DEFB118: variants seen among roughly 807,000 people sequenced by gnomAD.
DEFB118 encodes the protein defensin, beta 18.
DEFB118 carries 3 observed loss-of-function variants against 2.8 expected under a neutral mutation model. The observed-to-expected ratio is 1.09, with a 90% CI of 0.50 to 2.82. The LOEUF is 2.82. DEFB118 is among the 30% of genes most tolerant of loss of function. The probability of loss-of-function intolerance (pLI) is 0.04; values close to 1 mark genes in which losing one functional copy is unlikely to be tolerated. For missense variants in DEFB118, 159 were observed against 144.6 expected, an observed-to-expected ratio of 1.10 and a Z score of -0.51; for synonymous variants, 63 against 53.5, an observed-to-expected ratio of 1.18 and a Z score of -0.78.
In DEFB118 at chr20:31,373,141, T is replaced by C. The variant is rs1466289342; in HGVS notation, c.343T>C (p.Ser115Pro). The C allele has an allele frequency of 6.2e-7, 1 of 1,613,798 alleles. No homozygotes were observed. The highest frequency in any genetic ancestry group is 1.1e-5 in the South Asian group (1 of 91,070). Residue 115 changes from serine (S) to proline (P), a missense_variant, in exon 2 of 2, where the codon TCT (serine) becomes CCT (proline). Transcript: ENST00000253381. Reference sequence around the variant, plus strand: ...TGAGGCGGGAAGGGGAACTGAGACCTCTCTTCCAAATGTTCACCATAGCTC... The same window carrying C: ...TGAGGCGGGAAGGGGAACTGAGACCCCTCTTCCAAATGTTCACCATAGCTC... Reference protein sequence around the residue: ...ESEAGRGTETSLPNVHHSS With the variant: ...ESEAGRGTETPLPNVHHSS
intron 1 of DEFB118, among the ~76,000 whole-genome samples, chr20:31,369,624 G>A (rs545023994): frequency 1.2e-4 from 19 of 152,048 alleles, no homozygotes; most frequent in African/African-American, 4.1e-4. Flanking sequence ...TCTTGACCTC[G>A]GGTGATCCAT....
chr20:31,371,475 CTTTTTTTTCTTTTTT>C (rs531717116), intron 1 of DEFB118, among the ~76,000 whole-genome samples: 2,111 of 150,948 alleles, frequency 0.014, 20 homozygotes, highest in Non-Finnish European at 0.019. Context: ...TTTTCTTTTT[CTTTTTTTTCTTTTTT>C]GAGACAGTCT....
chr20:31,368,709 G>T lies in DEFB118; in HGVS notation c.58+1G>T. 1 of 1,613,254 alleles carries T rather than the reference G, an allele frequency of 6.2e-7. No homozygotes were observed. The highest frequency in any genetic ancestry group is 8.5e-7 in the Non-Finnish European group (1 of 1,179,416). On this transcript the variant is annotated splice_donor_variant, in intron 1 of 1. Coordinates refer to ENST00000253381, the MANE Select transcript of DEFB118 (RefSeq NM_054112.3). LOFTEE classifies it high-confidence loss of function. ...GTGCTCCTACCCCAAGTGATCCCAG[G>T]TAATCAGAGGTCAGGGAAGATACAA... is the stretch of plus-strand genomic sequence containing the variant.
At chr20:31,368,852 G>T in intron 1 of DEFB118, 144 bp downstream of exon 1, 2 of 729,688 alleles carry the variant, frequency 2.7e-6, no homozygotes, top group Non-Finnish European at 4.7e-6. Context: ...GGTAAAACCT[G>T]GGAGTAGAGC....
chr20:31,368,823 G>C, intron 1 of DEFB118, 115 bp downstream of exon 1: 1 of 978,786 alleles, frequency 1.0e-6, no homozygotes, highest in Non-Finnish European at 1.6e-6. Context: ...TCCCACACTG[G>C]GACTATGCTC....
intron 1 of DEFB118, among the ~76,000 whole-genome samples, chr20:31,372,276 G>A (rs1189856833): frequency 6.6e-6 from 1 of 152,178 alleles, no homozygotes; most frequent in Non-Finnish European, 1.5e-5. Flanking sequence ...TTCTGGCCGG[G>A]TGCTGTGGCT....
chr20:31,370,773 C>G (rs1568724806), intron 1 of DEFB118, among the ~76,000 whole-genome samples: 1 of 152,112 alleles, frequency 6.6e-6, no homozygotes, highest in East Asian at 1.9e-4. Flanking sequence ...TGTTTTGAAA[C>G]AGAGTCTCGC....
rs547430486 is a variant in DEFB118 at position 31,373,153 on chromosome 20, G to A, written c.355G>A (p.Val119Ile). 6 of 1,613,382 alleles carry A rather than the reference G, an allele frequency of 3.7e-6. No individual in the cohort carries two copies. In the African/African-American group the frequency reaches 5.3e-5, roughly 14 times the overall value. The change falls in exon 2 of 2, where the codon GTT becomes ATT. Residue 119 changes from valine to isoleucine, a missense_variant. Transcript: ENST00000253381. ...GGGAACTGAGACCTCTCTTCCAAAT[G>A]TTCACCATAGCTCATGACTTCCTCT... Reference protein sequence around the residue: ...GRGTETSLPNVHHSS With the variant: ...GRGTETSLPNIHHSS
intron 1 of DEFB118, among the ~76,000 whole-genome samples, chr20:31,369,104 A>C (rs1193457991): frequency 6.6e-6 from 1 of 152,216 alleles, no homozygotes; most frequent in African/African-American, 2.4e-5. Context: ...TTTGGTGAAC[A>C]AGTCAGAAAA....
In DEFB118 at chr20:31,373,039, A is replaced by G. The variant is rs1380501438; in HGVS notation, c.241A>G (p.Ile81Val). ...TPLSDSTPGI[I>V]DDILTVRFTT... The stretch of plus-strand genomic sequence containing the variant: ...CTTGAGTGACTCAACACCAGGAATT[A>G]TTGATGATATTTTAACAGTAAGGTT... The change falls in exon 2 of 2, where the codon ATT (isoleucine) becomes GTT (valine). Residue 81 changes from isoleucine (I) to valine (V), a missense_variant. By Grantham distance (29) the Ile-to-Val change is conservative. Transcript: ENST00000253381. The G allele has an allele frequency of 1.2e-6, 2 of 1,614,072 alleles. No homozygotes were observed. Among genetic ancestry groups the G allele is most frequent in the Non-Finnish European group, 1.7e-6 (2 of 1,180,052 alleles).
chr20:31,370,039 A>T (rs1028147719), intron 1 of DEFB118, among the ~76,000 whole-genome samples: 6 of 152,080 alleles, frequency 3.9e-5, no homozygotes, highest in African/African-American at 1.4e-4. Context: ...CAGAGAGGCC[A>T]ATAACTCTTG....
rs750510475 is a variant in DEFB118 at position 31,372,868 on chromosome 20, G to GA, written c.78dup (p.Cys27MetfsTer34). On this transcript the variant is annotated frameshift_variant, in exon 2 of 2. Transcript: ENST00000253381. LOFTEE classifies it low-confidence loss of function (END_TRUNC). Reference sequence around the variant, plus strand: ...CTTTTATTATTCAGCCTATAGTGGTGAAAAAAAATGCTGGAACAGATCAGG... The same window carrying GA: ...CTTTTATTATTCAGCCTATAGTGGTGAAAAAAAAATGCTGGAACAGATCAGG... 2.6e-5 allele frequency: 42 copies of GA among 1,612,814 alleles called. No individual in the cohort carries two copies. The highest frequency in any genetic ancestry group is 1.9e-4 in the African/African-American group (14 of 74,754).
chr20:31,372,554 A>AG (rs1459703760), intron 1 of DEFB118, among the ~76,000 whole-genome samples: 1 of 152,146 alleles, frequency 6.6e-6, no homozygotes, highest in East Asian at 1.9e-4. Flanking sequence ...TCTAAAAAAA[A>AG]AGATGTACTT....
Position 31,368,650 on chromosome 20 carries a change from C to G in DEFB118, c.-1C>G. On this transcript the variant is annotated 5_prime_UTR_variant, in exon 1 of 2. Transcript: ENST00000253381. ...CTACCACCTCCTGCTTCCCAAGGAC[C>G]ATGAAACTCCTGCTGCTGGCTCTTC... The G allele has an allele frequency of 1.2e-6, 2 of 1,613,752 alleles. No individual in the cohort carries two copies. Among genetic ancestry groups the G allele is most frequent in the Non-Finnish European group, 1.7e-6 (2 of 1,179,748 alleles).
In DEFB118 at chr20:31,372,884, A is replaced by G. The variant is rs879664767; in HGVS notation, c.86A>G (p.Asn29Ser). Residue 29 changes from asparagine (N) to serine (S), a missense_variant, in exon 2 of 2, where the codon AAC (asparagine) becomes AGC (serine). Transcript: ENST00000253381. Reference sequence around the variant, plus strand: ...TATAGTGGTGAAAAAAAATGCTGGAACAGATCAGGGCACTGCAGGAAACAA... The same window carrying G: ...TATAGTGGTGAAAAAAAATGCTGGAGCAGATCAGGGCACTGCAGGAAACAA... The part of the protein sequence containing the change: ...PAYSGEKKCW[N>S]RSGHCRKQCK... The G allele has an allele frequency of 5.0e-6, 8 of 1,614,024 alleles. No homozygotes were observed. Among genetic ancestry groups the G allele is most frequent in the Non-Finnish European group, 4.2e-6 (5 of 1,180,002 alleles).
At position 31,368,704 on chromosome 20, in the gene DEFB118, C is replaced by G; in HGVS notation, c.54C>G (p.Ile18Met). Residue 18 changes from isoleucine to methionine, a missense_variant, in exon 1 of 2, where the codon ATC (isoleucine) becomes ATG (methionine). Physicochemically the swap from Ile to Met is conservative, Grantham distance 10. Transcript: ENST00000253381. ...TGCTTGTGCTCCTACCCCAAGTGAT[C>G]CCAGGTAATCAGAGGTCAGGGAAGA... is the stretch of plus-strand genomic sequence containing the variant. ...LPMLVLLPQV[I>M]PAYSGEKKCW... The G allele has an allele frequency of 6.2e-7, 1 of 1,613,406 alleles. No homozygotes were observed. The highest frequency in any genetic ancestry group is 8.5e-7 in the Non-Finnish European group (1 of 1,179,508).
At chr20:31,372,615 T>C (rs781239526) in intron 1 of DEFB118, among the ~76,000 whole-genome samples, 3 of 152,194 alleles carry the variant, frequency 2.0e-5, no homozygotes, top group Non-Finnish European at 4.4e-5. Context: ...TCATTATAAG[T>C]GGCCCCAATT....
chr20:31,368,763 T>G lies in DEFB118; in HGVS notation c.58+55T>G, dbSNP rs376160008. The G allele has an allele frequency of 2.0e-4, 316 of 1,545,222 alleles. No homozygotes were observed. In the Middle Eastern group the frequency reaches 2.5e-3, roughly 12 times the overall value. The stretch of plus-strand genomic sequence containing the variant: ...TAGAGGTATAGTGGGTTCTGGCTCA[T>G]GAAAATTCCAATGTGTCACGGTACT... On this transcript the variant is annotated intron_variant, in intron 1 of 1. Coordinates refer to ENST00000253381, the MANE Select transcript of DEFB118 (RefSeq NM_054112.3).
Position 31,373,263 on chromosome 20 carries a change from C to T in DEFB118, c.*93C>T, listed in dbSNP as rs1023391159. 9 of 1,095,276 alleles carry T rather than the reference C, an allele frequency of 8.2e-6. No homozygotes were observed. The highest frequency in any genetic ancestry group is 1.2e-5 in the Non-Finnish European group (9 of 770,550). 67.8% of individuals were successfully genotyped at this position (1,095,276 alleles called of 1,614,324 possible). A position where few individuals can be genotyped will look rare whatever the true frequency, so the allele number is the denominator to read the frequency against. On this transcript the variant is annotated 3_prime_UTR_variant, in exon 2 of 2. Transcript: ENST00000253381. ...TGAAAACACCACAGTGACCCTCCCA[C>T]CCCCCACCAATATGTAATTCTATTA...
Sources: allele counts gnomAD v4.1 joint callset (sites outside exome capture counted in the v4.1 genomes callset), GRCh38; gene constraint gnomAD v4.1.1; transcripts MANE v1.5; gene names NCBI Gene and HGNC (gene_info 2026-07-23, HGNC 2026-07-21).